ACKR2: variants seen among roughly 807,000 people sequenced by gnomAD.
The protein encoded by ACKR2 is atypical chemokine receptor 2, also known as C-C chemokine receptor D6.
For missense variants in ACKR2, 457 were observed against 477.3 expected (o/e 0.96, Z 0.40); for synonymous variants, 207 against 192.2 (o/e 1.08, Z -0.64).
At chr3:42,828,974 T>A (rs950758844) in intron 2 of ACKR2, among the ~76,000 whole-genome samples, 2 of 152,160 alleles carry the variant, frequency 1.3e-5, no homozygotes, top group Non-Finnish European at 2.9e-5. Context: ...GACAGTCAGT[T>A]TAGGGCAAAA....
intron 2 of ACKR2, among the ~76,000 whole-genome samples, chr3:42,836,366 TTATC>T (rs940645024): frequency 5.9e-5 from 9 of 152,294 alleles, no homozygotes; most frequent in African/African-American, 1.9e-4. Context: ...ATCAACATGG[TTATC>T]TAGCTGGCAT....
intron 2 of ACKR2, among the ~76,000 whole-genome samples, chr3:42,827,974 A>G (rs1700886476): frequency 1.3e-5 from 2 of 152,022 alleles, no homozygotes; most frequent in Admixed American, 1.3e-4. Context: ...CCATAAAATA[A>G]ACCATAAGCC....
chr3:42,821,441 CT>C (rs1308509446), intron 2 of ACKR2, among the ~76,000 whole-genome samples: 1 of 152,164 alleles, frequency 6.6e-6, no homozygotes, highest in Non-Finnish European at 1.5e-5. Context: ...CACACTTGAC[CT>C]ACACACTTGA....
Position 42,837,628 on chromosome 3 carries a change from G to T in ACKR2, c.-38+17917G>T, listed in dbSNP as rs117208806. On this transcript the variant is annotated intron_variant, in intron 2 of 2. Coordinates refer to ENST00000422265, the MANE Select transcript of ACKR2 (RefSeq NM_001296.5). ...TTTTGTTATCTCCAGGTCCCTGGCA[G>T]ATTGGATGGTGCCCGCCCACATTAG... Among the ~76,000 whole-genome samples the T allele has an allele frequency of 1.7e-3, 257 of 152,258 alleles. 7 individuals carry two copies. In the East Asian group the frequency reaches 0.043, roughly 25 times the overall value.
At chr3:42,840,355 C>T (rs566301848) in intron 2 of ACKR2, among the ~76,000 whole-genome samples, 6 of 150,462 alleles carry the variant, frequency 4.0e-5, no homozygotes, top group African/African-American at 7.3e-5. Flanking sequence ...GAGCTGGGTT[C>T]GCCAGGCTGA....
chr3:42,845,879 A>G (rs1305552855), intron 2 of ACKR2, among the ~76,000 whole-genome samples: 1 of 151,130 alleles, frequency 6.6e-6, no homozygotes, highest in Non-Finnish European at 1.5e-5. Flanking sequence ...AAAAGAAAAA[A>G]AGAAAACAAA....
At chr3:42,861,179 A>G (rs1253559207) in intron 2 of ACKR2, among the ~76,000 whole-genome samples, 2 of 152,208 alleles carry the variant, frequency 1.3e-5, no homozygotes, top group Non-Finnish European at 2.9e-5. Flanking sequence ...GATAAAGAGG[A>G]TATCACCATT....
intron 2 of ACKR2, among the ~76,000 whole-genome samples, chr3:42,861,191 A>G (rs2088381164): frequency 6.6e-6 from 1 of 152,230 alleles, no homozygotes; most frequent in Non-Finnish European, 1.5e-5. Flanking sequence ...ATCACCATTG[A>G]TCCCACAGAA....
At chr3:42,809,723 G>A (rs1234921361) in intron 1 of ACKR2, among the ~76,000 whole-genome samples, 191 bp downstream of exon 1, 3 of 151,992 alleles carry the variant, frequency 2.0e-5, no homozygotes, top group Non-Finnish European at 1.5e-5. Flanking sequence ...TTAGCCAGGC[G>A]TGGTGGCGTG....
chr3:42,829,375 C>T (rs761597251), intron 2 of ACKR2, among the ~76,000 whole-genome samples: 7 of 152,162 alleles, frequency 4.6e-5, no homozygotes, highest in African/African-American at 1.2e-4. Context: ...CAAAGGTAAA[C>T]CATCTCTGAC....
At chr3:42,835,610 A>C (rs1034100920) in intron 2 of ACKR2, 1 of 152,134 alleles carries the variant, frequency 6.6e-6, no homozygotes, top group Non-Finnish European at 1.5e-5. Flanking sequence ...CATCAATTTC[A>C]ACTCCTGATT....
chr3:42,820,271 G>A (rs776792358), intron 2 of ACKR2, among the ~76,000 whole-genome samples: 17 of 152,094 alleles, frequency 1.1e-4, no homozygotes, highest in Non-Finnish European at 1.5e-4. Context: ...GTGACTCTCC[G>A]TATGTTGATG....
rs376833790 is a variant in ACKR2 at position 42,860,189 on chromosome 3, A to AAAAAAAAAAAAAAAAAAAAAAAAAAAAC, written c.-37-4277_-37-4276insAAAAAAAAAAAAAAAAAAAAAAAAAAAC. On this transcript the variant is annotated intron_variant, in intron 2 of 2. Coordinates refer to ENST00000422265, the MANE Select transcript of ACKR2 (RefSeq NM_001296.5). ...CAAAAAAAAAAAAAAAAAAAAAAAA[A>AAAAAAAAAAAAAAAAAAAAAAAAAAAAC]GCAGGGGATGCAATCCTAGTCTCTG... Among the ~76,000 whole-genome samples, 6 of 111,630 alleles carry AAAAAAAAAAAAAAAAAAAAAAAAAAAAC rather than the reference A, an allele frequency of 5.4e-5. 1 individual carries two copies. Among genetic ancestry groups the AAAAAAAAAAAAAAAAAAAAAAAAAAAAC allele is most frequent in the East Asian group, 3.7e-4 (1 of 2,678 alleles). 73.2% of individuals were successfully genotyped at this position (111,630 alleles called of 152,430 possible).
In ACKR2 at chr3:42,865,017, C is replaced by T. The variant is rs150050911; in HGVS notation, c.515C>T (p.Ser172Phe). The change falls in exon 3 of 3, where the codon TCC (serine) becomes TTC (phenylalanine). Residue 172 changes from serine to phenylalanine, a missense_variant. By Grantham distance (155) the Ser-to-Phe change is radical. Coordinates refer to ENST00000422265, the MANE Select transcript of ACKR2 (RefSeq NM_001296.5). The part of the protein sequence containing the change: ...LLLATIVWAV[S>F]LAVSIPDMVF... ...CTTGCTACCATAGTATGGGCTGTGT[C>T]CCTGGCCGTCTCCATCCCTGATATG... 2.5e-6 allele frequency: 4 copies of T among 1,614,170 alleles called. No homozygotes were observed. The Admixed American group carries it at 5.0e-5, about 20-fold the overall frequency.
chr3:42,809,855 C>A (rs1408143255), intron 1 of ACKR2, among the ~76,000 whole-genome samples: 2 of 150,848 alleles, frequency 1.3e-5, no homozygotes. Context: ...AAGCTAGACT[C>A]CGTCTCAAAA....
chr3:42,824,442 A>G (rs1177146524), intron 2 of ACKR2, among the ~76,000 whole-genome samples: 2 of 152,170 alleles, frequency 1.3e-5, no homozygotes, highest in East Asian at 3.8e-4. Context: ...CACTCATCAC[A>G]CTGTCTAAAA....
intron 1 of ACKR2, among the ~76,000 whole-genome samples, chr3:42,810,961 A>G (rs1700688799): frequency 6.6e-6 from 1 of 152,178 alleles, no homozygotes; most frequent in Non-Finnish European, 1.5e-5. Flanking sequence ...CCCAGGCTCA[A>G]GCGATTCTCA....
At chr3:42,828,092 A>ATTTTT (rs71072742) in intron 2 of ACKR2, among the ~76,000 whole-genome samples, 49 of 121,890 alleles carry the variant, frequency 4.0e-4, no homozygotes, top group African/African-American at 1.3e-3. Context: ...ATATATATAT[A>ATTTTT]TTTTTTTTTT....
chr3:42,859,362 G>T (rs568499276), intron 2 of ACKR2, among the ~76,000 whole-genome samples: 22 of 152,176 alleles, frequency 1.4e-4, no homozygotes, highest in African/African-American at 5.3e-4. Context: ...AGAGAGTGGG[G>T]GTCCAATATT....
Sources: allele counts gnomAD v4.1 joint callset (sites outside exome capture counted in the v4.1 genomes callset), GRCh38; gene constraint gnomAD v4.1.1; transcripts MANE v1.5; gene names NCBI Gene and HGNC (gene_info 2026-07-23, HGNC 2026-07-21).